The following CCDC93 variants were observed in gnomAD, a reference collection of about 807,000 sequenced individuals.
The protein encoded by CCDC93 is CCC complex scaffolding subunit CCDC93, also known as coiled-coil domain-containing protein 93.
Under a neutral mutation model 108.2 loss-of-function variants are expected in CCDC93, and 61 were observed. The observed-to-expected ratio is 0.56, with a 90% CI of 0.46 to 0.70. The LOEUF (loss-of-function observed/expected upper bound fraction) is 0.70. Ranked by LOEUF, CCDC93 falls within the 30% of genes least tolerant of loss-of-function variation. The pLI, the probability that CCDC93 is intolerant of heterozygous loss-of-function variation, is 0.00. For synonymous variants in CCDC93, 276 were observed against 260.4 expected (o/e 1.06, Z -0.58); for missense variants, 685 against 764.2 (o/e 0.90, Z 1.22).
At chr2:117,978,781 G>T (rs919490497) in intron 7 of CCDC93, among the ~76,000 whole-genome samples, 2 of 152,112 alleles carry the variant, frequency 1.3e-5, no homozygotes, top group African/African-American at 4.8e-5. Context: ...GCTGAGGCGG[G>T]CCTATCACCT....
Position 117,915,649 on chromosome 2 carries a change from GAA to G in CCDC93, c.*4692_*4693del, listed in dbSNP as rs1677657949. On this transcript the variant is annotated 3_prime_UTR_variant, in exon 24 of 24. Transcript: ENST00000376300. ...TCAAAAGGTACAAAAGGTGTACATT[GAA>G]AAGTCATTCCCACCCCTCTTCCCAG... 6.6e-6 allele frequency: 1 copy of G among 152,130 alleles called. No individual in the cohort carries two copies. Among genetic ancestry groups the G allele is most frequent in the African/African-American group, 2.4e-5 (1 of 41,426 alleles). 9.4% of individuals were successfully genotyped at this position (152,130 alleles called of 1,614,324 possible).
chr2:117,965,539 T>G (rs1000342311), intron 11 of CCDC93, among the ~76,000 whole-genome samples: 1 of 152,188 alleles, frequency 6.6e-6, no homozygotes, highest in Non-Finnish European at 1.5e-5. Flanking sequence ...GCCTGGTTAT[T>G]ATCAGGCAAA....
At chr2:117,982,828 T>C (rs1227955568) in intron 7 of CCDC93, among the ~76,000 whole-genome samples, 2 of 151,106 alleles carry the variant, frequency 1.3e-5, no homozygotes, top group Admixed American at 6.6e-5. Flanking sequence ...GCAAAGTGAG[T>C]CCCAGGGCCA....
At chr2:117,985,774 T>C (rs1352969554) in intron 7 of CCDC93, among the ~76,000 whole-genome samples, 195 bp downstream of exon 7, 1 of 152,148 alleles carries the variant, frequency 6.6e-6, no homozygotes, top group African/African-American at 2.4e-5. Flanking sequence ...CAGGTGCACA[T>C]TTCCAGAGAG....
chr2:117,964,786 G>C (rs1679502566), intron 11 of CCDC93, among the ~76,000 whole-genome samples: 1 of 151,992 alleles, frequency 6.6e-6, no homozygotes, highest in Non-Finnish European at 1.5e-5. Flanking sequence ...ATATTTTGTA[G>C]AGATAGGGGT....
intron 13 of CCDC93, chr2:117,951,231 G>A: frequency 1.0e-6 from 1 of 985,310 alleles, no homozygotes; most frequent in Non-Finnish European, 1.2e-6. Context: ...ATATCACAGA[G>A]GGCTCCCAAC....
At chr2:117,947,075 T>C (rs1678897975) in intron 15 of CCDC93, among the ~76,000 whole-genome samples, 193 bp from the exon 16 acceptor site, 1 of 152,220 alleles carries the variant, frequency 6.6e-6, no homozygotes, top group South Asian at 2.1e-4. Flanking sequence ...CAGGCAGCTA[T>C]TCCTCCATCA....
At chr2:118,000,765 G>T in intron 4 of CCDC93, 56 bp downstream of exon 4, 1 of 1,133,614 alleles carries the variant, frequency 8.8e-7, no homozygotes, top group Non-Finnish European at 1.3e-6. Flanking sequence ...GACAAGCCAG[G>T]CCCATCACAG....
At chr2:117,987,575 C>T (rs545112086) in intron 6 of CCDC93, among the ~76,000 whole-genome samples, 7 of 152,188 alleles carry the variant, frequency 4.6e-5, no homozygotes, top group Non-Finnish European at 8.8e-5. Flanking sequence ...GCTGCATGAC[C>T]TTGAGAAAGG....
At chr2:117,971,316 T>C (rs1035459395) in intron 11 of CCDC93, among the ~76,000 whole-genome samples, 1 of 152,152 alleles carries the variant, frequency 6.6e-6, no homozygotes, top group Non-Finnish European at 1.5e-5. Context: ...TGAGCTGAGA[T>C]TGTACTACTG....
In CCDC93 at chr2:117,975,297, G is replaced by A. The variant is rs541725407; in HGVS notation, c.658-17C>T. 1 of 1,580,084 alleles carries A rather than the reference G, an allele frequency of 6.3e-7. No homozygotes were observed. The highest frequency in any genetic ancestry group is 1.3e-5 in the African/African-American group (1 of 74,528). On this transcript the variant is annotated splice_polypyrimidine_tract_variant and intron_variant, in intron 8 of 23. Coordinates refer to ENST00000376300, the MANE Select transcript of CCDC93 (RefSeq NM_019044.5). ...GTCCTCAGCCTGCAAGGGAAGATGT[G>A]AAAACAGCTGAGCACGGGAGATGGA...
In CCDC93 at chr2:117,995,479, T is replaced by C; in HGVS notation, c.486A>G (p.Lys162=). 7 of 1,613,768 alleles carry C rather than the reference T, an allele frequency of 4.3e-6. No individual in the cohort carries two copies. The highest frequency in any genetic ancestry group is 5.9e-6 in the Non-Finnish European group (7 of 1,179,612). Residue 162 remains lysine (K), a synonymous_variant, in exon 6 of 24, where the codon AAA becomes AAG. Coordinates refer to ENST00000376300, the MANE Select transcript of CCDC93 (RefSeq NM_019044.5). ...LPEDDDFIKR[K]EKAIKTVVDL... ...CCACAACTGTCTTGATGGCCTTTTC[T>C]TTTCTCTTTATGAAGTCATCATCCT...
At chr2:117,970,868 T>A (rs979457351) in intron 11 of CCDC93, among the ~76,000 whole-genome samples, 2 of 152,182 alleles carry the variant, frequency 1.3e-5, no homozygotes, top group Non-Finnish European at 2.9e-5. Flanking sequence ...TTCACAACTG[T>A]TAGTATTTTA....
At chr2:117,936,994 AG>A in intron 20 of CCDC93, 1 of 497,588 alleles carries the variant, frequency 2.0e-6, no homozygotes, top group Non-Finnish European at 3.6e-6. Context: ...TGTAGGGAGA[AG>A]GTGCTTTGAA....
intron 11 of CCDC93, among the ~76,000 whole-genome samples, chr2:117,963,225 G>A (rs1261525510): frequency 6.6e-6 from 1 of 152,200 alleles, no homozygotes; most frequent in Non-Finnish European, 1.5e-5. Context: ...AACTGCATCT[G>A]TAAAGACTTA....
chr2:117,989,108 T>C (rs1478320854), intron 6 of CCDC93, among the ~76,000 whole-genome samples: 1 of 152,250 alleles, frequency 6.6e-6, no homozygotes, highest in Admixed American at 6.5e-5. Flanking sequence ...GTTTTATACA[T>C]AGCCTAAATA....
Position 117,916,959 on chromosome 2 carries a change from T to G in CCDC93, c.*3384A>C. 6.6e-6 allele frequency: 1 copy of G among 152,186 alleles called. No individual in the cohort carries two copies. The highest frequency in any genetic ancestry group is 1.9e-4 in the East Asian group (1 of 5,192). 9.4% of individuals were successfully genotyped at this position (152,186 alleles called of 1,614,324 possible). A position where few individuals can be genotyped will look rare whatever the true frequency, so the allele number is the denominator to read the frequency against. ...GGCATCCATCCTATGGGGCTCTTTA[T>G]TGTACTGTTCTGCATTAAGATGTTC... On this transcript the variant is annotated 3_prime_UTR_variant, in exon 24 of 24. Transcript: ENST00000376300.
At chr2:117,985,311 A>G (rs1240010037) in intron 7 of CCDC93, 1 of 213,414 alleles carries the variant, frequency 4.7e-6, no homozygotes, top group Non-Finnish European at 8.1e-6. Flanking sequence ...CAGCCACCCT[A>G]CAAGGGTTGG....
chr2:117,946,183 G>A (rs1191488844), intron 16 of CCDC93, among the ~76,000 whole-genome samples: 1 of 152,200 alleles, frequency 6.6e-6, no homozygotes, highest in Non-Finnish European at 1.5e-5. Flanking sequence ...TTCTGGGCCA[G>A]GCAGCAGGGC....
Sources: gnomAD v4.1 joint callset for allele counts (sites outside exome capture counted in the v4.1 genomes callset) on GRCh38, gnomAD v4.1.1 for gene constraint, MANE v1.5 for transcripts, NCBI Gene and HGNC (gene_info 2026-07-23, HGNC 2026-07-21) for gene names.